ZRANB3: variants seen among roughly 807,000 people sequenced by gnomAD.
ZRANB3 encodes the protein DNA annealing helicase and endonuclease ZRANB3.
In ZRANB3, 125 loss-of-function variants were observed where a neutral mutation model predicts 133.8. The ratio of observed to expected loss-of-function variants is 0.93; its 90% CI spans 0.81 to 1.08. The LOEUF (loss-of-function observed/expected upper bound fraction) is 1.08. ZRANB3 is among the 50% of genes least tolerant of loss of function. The pLI is 0.00. For synonymous variants in ZRANB3, 387 were observed against 432.7 expected (o/e 0.89, Z 1.31); for missense variants, 1,229 against 1,275.5 (o/e 0.96, Z 0.56).
chr2:135,201,111 G>T (rs539888323), intron 20 of ZRANB3, among the ~76,000 whole-genome samples: 1 of 152,230 alleles, frequency 6.6e-6, no homozygotes, highest in African/African-American at 2.4e-5. Context: ...CAACTCAACA[G>T]ATGAGCTGGT....
intron 2 of ZRANB3, among the ~76,000 whole-genome samples, chr2:135,447,091 C>A (rs1172370237): frequency 1.3e-5 from 2 of 152,202 alleles, no homozygotes; most frequent in East Asian, 1.9e-4. Context: ...GTCACCCAGG[C>A]TGGAGTGCAG....
intron 6 of ZRANB3, among the ~76,000 whole-genome samples, chr2:135,321,858 T>A (rs1432725362): frequency 6.6e-6 from 1 of 152,194 alleles, no homozygotes. Flanking sequence ...ATATGTAGTT[T>A]ACAATTTTCT....
At chr2:135,521,052 C>A (rs1314610051) in intron 1 of ZRANB3, among the ~76,000 whole-genome samples, 1 of 152,148 alleles carries the variant, frequency 6.6e-6, no homozygotes, top group African/African-American at 2.4e-5. Flanking sequence ...CTCAAAACAA[C>A]TCATAAGATA....
rs1322849486 is a variant in ZRANB3 at position 135,265,446 on chromosome 2, T to C, written c.1539+88A>G. The stretch of plus-strand genomic sequence containing the variant: ...AGTCTCCTTTCAACACCATAAATAA[T>C]TGAGAGTTGCTATTTAAAACCATAC... On this transcript the variant is annotated intron_variant, in intron 12 of 20. Transcript: ENST00000264159. The C allele has an allele frequency of 1.8e-4, 242 of 1,341,766 alleles. 1 individual carries two copies. Among genetic ancestry groups the C allele is most frequent in the Non-Finnish European group, 7.8e-5 (79 of 1,012,292 alleles). 83.1% of individuals were successfully genotyped at this position (1,341,766 alleles called of 1,614,324 possible).
At chr2:135,371,368 T>C (rs1431910013) in intron 3 of ZRANB3, among the ~76,000 whole-genome samples, 2 of 152,220 alleles carry the variant, frequency 1.3e-5, no homozygotes, top group Non-Finnish European at 2.9e-5. Context: ...ATGCTATTAG[T>C]GCTTTGTGCT....
intron 2 of ZRANB3, among the ~76,000 whole-genome samples, chr2:135,408,860 G>GAT (rs1337886957): frequency 6.6e-6 from 1 of 152,036 alleles, no homozygotes; most frequent in African/African-American, 2.4e-5. Flanking sequence ...AGCATTTGGA[G>GAT]ATATATCTAA....
chr2:135,472,311 T>C (rs977929379), intron 2 of ZRANB3, among the ~76,000 whole-genome samples: 1 of 151,976 alleles, frequency 6.6e-6, no homozygotes, highest in African/African-American at 2.4e-5. Flanking sequence ...CCATCCTGGC[T>C]AACACGGTGA....
chr2:135,519,681 T>G (rs1693841649), intron 1 of ZRANB3, among the ~76,000 whole-genome samples: 1 of 152,206 alleles, frequency 6.6e-6, no homozygotes, highest in Non-Finnish European at 1.5e-5. Flanking sequence ...GAATTTCATT[T>G]TTTCATGCAT....
intron 17 of ZRANB3, among the ~76,000 whole-genome samples, chr2:135,211,869 T>C (rs1002267797): frequency 6.6e-6 from 1 of 152,232 alleles, no homozygotes; most frequent in Non-Finnish European, 1.5e-5. Flanking sequence ...TATGTATCTA[T>C]AGAATAAATC....
intron 3 of ZRANB3, among the ~76,000 whole-genome samples, chr2:135,390,129 T>C (rs1687159402): frequency 6.6e-6 from 1 of 152,084 alleles, no homozygotes; most frequent in African/African-American, 2.4e-5. Context: ...TCCACCTGCC[T>C]CGGCCTCCCA....
Position 135,501,264 on chromosome 2 carries a change from C to T in ZRANB3, c.161+3065G>A, listed in dbSNP as rs544881037. Among the ~76,000 whole-genome samples, 26 of 152,164 alleles carry T rather than the reference C, an allele frequency of 1.7e-4. 1 individual carries two copies. In the South Asian group the frequency reaches 5.4e-3, roughly 32 times the overall value. On this transcript the variant is annotated intron_variant, in intron 2 of 20. Transcript: ENST00000264159. ...TGTACCCCACAGATTATGCCACTCACCAATGAAGACACCCACCAGAATATA... is the reference window on the plus strand; with the variant it reads ...TGTACCCCACAGATTATGCCACTCATCAATGAAGACACCCACCAGAATATA...
At position 135,326,205 on chromosome 2, in the gene ZRANB3, T is replaced by A. The variant is rs1683811830; in HGVS notation, c.678-10675A>T. Among the ~76,000 whole-genome samples the A allele has an allele frequency of 2.0e-5, 3 of 152,136 alleles. 1 individual carries two copies. Among genetic ancestry groups the A allele is most frequent in the Admixed American group, 2.0e-4 (3 of 15,268 alleles). ...ACTTCATTTTTTATAACATAAAAAG[T>A]GCATTTTAATTATGTAAAATTAAAT... On this transcript the variant is annotated intron_variant, in intron 6 of 20. Transcript: ENST00000264159.
intron 2 of ZRANB3, among the ~76,000 whole-genome samples, chr2:135,405,466 G>C (rs77017004): frequency 6.6e-6 from 1 of 152,042 alleles, no homozygotes; most frequent in African/African-American, 2.4e-5. Context: ...TGCACCAAGC[G>C]GACCTAATAG....
At chr2:135,417,845 T>C (rs1430663451) in intron 2 of ZRANB3, among the ~76,000 whole-genome samples, 1 of 152,030 alleles carries the variant, frequency 6.6e-6, no homozygotes, top group African/African-American at 2.4e-5. Context: ...TCACTCTCAG[T>C]AAACTATCGC....
At chr2:135,301,182 T>C (rs1573867404) in intron 8 of ZRANB3, among the ~76,000 whole-genome samples, 1 of 151,296 alleles carries the variant, frequency 6.6e-6, no homozygotes, top group Non-Finnish European at 1.5e-5. Flanking sequence ...AATTAATATG[T>C]TTATTTTTTT....
intron 11 of ZRANB3, among the ~76,000 whole-genome samples, chr2:135,267,590 T>A (rs1357787055): frequency 6.6e-6 from 1 of 152,080 alleles, no homozygotes; most frequent in African/African-American, 2.4e-5. Flanking sequence ...GCAATAATTA[T>A]CCAAAATTAT....
intron 1 of ZRANB3, among the ~76,000 whole-genome samples, chr2:135,505,407 C>T (rs1319351817): frequency 2.0e-5 from 3 of 152,004 alleles, no homozygotes; most frequent in African/African-American, 7.3e-5. Context: ...AACCCCATAT[C>T]TATTAAAAAT....
chr2:135,441,292 A>G (rs771719475), intron 2 of ZRANB3, among the ~76,000 whole-genome samples: 1 of 152,174 alleles, frequency 6.6e-6, no homozygotes, highest in Non-Finnish European at 1.5e-5. Flanking sequence ...ACTTTTCATC[A>G]GACCAACAGA....
intron 2 of ZRANB3, among the ~76,000 whole-genome samples, chr2:135,495,848 G>T (rs924010554): frequency 1.3e-5 from 2 of 152,058 alleles, no homozygotes; most frequent in Admixed American, 1.3e-4. Flanking sequence ...CTACAAAACT[G>T]TGCACCTCAA....
Sources: allele counts gnomAD v4.1 joint callset (sites outside exome capture counted in the v4.1 genomes callset), GRCh38; gene constraint gnomAD v4.1.1; transcripts MANE v1.5; gene names NCBI Gene and HGNC (gene_info 2026-07-23, HGNC 2026-07-21).